Variants in HYCC2 observed in about 807,000 individuals in gnomAD.
HYCC2 encodes hyccin PI4KA lipid kinase complex subunit 2.
chr2:200,988,130 T>C, the HYCC2 span: 2 of 572,002 alleles, frequency 3.5e-6, no homozygotes, highest in Non-Finnish European at 5.7e-6. Flanking sequence ...GTCACATTTC[T>C]AGTGATATTT....
At chr2:201,027,722 T>A in the HYCC2 span, among the ~76,000 whole-genome samples, 1 of 152,154 alleles carries the variant, frequency 6.6e-6, no homozygotes, top group Non-Finnish European at 1.5e-5. Flanking sequence ...ACCACATGAT[T>A]ATCTCAATAG....
At chr2:200,989,788 T>C in the HYCC2 span, among the ~76,000 whole-genome samples, 1 of 152,182 alleles carries the variant, frequency 6.6e-6, no homozygotes, top group Non-Finnish European at 1.5e-5. Context: ...CACTCCAGTA[T>C]AGGTGACAGA....
At chr2:201,033,919 C>T in the HYCC2 span, among the ~76,000 whole-genome samples, 2 of 151,488 alleles carry the variant, frequency 1.3e-5, no homozygotes, top group East Asian at 3.9e-4. Context: ...GATATAGGGT[C>T]CAGAATATTT....
the HYCC2 span, among the ~76,000 whole-genome samples, chr2:201,038,031 C>CA: frequency 1.3e-5 from 2 of 152,040 alleles, no homozygotes; most frequent in East Asian, 3.9e-4. Context: ...ACAATGAACT[C>CA]AAACAAATTT....
chr2:201,023,871 C>A, the HYCC2 span: 6 of 982,218 alleles, frequency 6.1e-6, no homozygotes, highest in Admixed American at 1.1e-4. Flanking sequence ...CCATAGAGCA[C>A]ATAATGTTTC....
chr2:201,045,024 C>T, the HYCC2 span, among the ~76,000 whole-genome samples: 2 of 152,184 alleles, frequency 1.3e-5, no homozygotes, highest in African/African-American at 4.8e-5. Context: ...ACTTGACCAA[C>T]AACTATGAAG....
At chr2:200,999,085 A>G in the HYCC2 span, among the ~76,000 whole-genome samples, 1 of 152,298 alleles carries the variant, frequency 6.6e-6, no homozygotes, top group African/African-American at 2.4e-5. Context: ...ACCTGCCTAG[A>G]TATTGCCAGT....
chr2:201,017,137 G>A, the HYCC2 span: 1 of 1,613,374 alleles, frequency 6.2e-7, no homozygotes, highest in Non-Finnish European at 8.5e-7. Context: ...CTACGATAGA[G>A]CTCAAACAGC....
chr2:201,036,933 C>T, the HYCC2 span, among the ~76,000 whole-genome samples: 1 of 152,066 alleles, frequency 6.6e-6, no homozygotes. Context: ...GGGTATTCAA[C>T]TAGGAAAAGA....
At chr2:201,037,416 A>C in the HYCC2 span, among the ~76,000 whole-genome samples, 102 of 152,342 alleles carry the variant, frequency 6.7e-4, no homozygotes, top group Non-Finnish European at 1.2e-3. Flanking sequence ...GGAACCAAAA[A>C]AGAGCCCGCA....
At chr2:200,986,125 A>G in the HYCC2 span, among the ~76,000 whole-genome samples, 1 of 152,216 alleles carries the variant, frequency 6.6e-6, no homozygotes, top group Non-Finnish European at 1.5e-5. Flanking sequence ...CAGGGGAAAA[A>G]GGGAACGCTG....
At chr2:200,996,924 T>TC in the HYCC2 span, 1 of 152,428 alleles carries the variant, frequency 6.6e-6, no homozygotes, top group African/African-American at 2.4e-5. Flanking sequence ...TTGGTACAAC[T>TC]CCACGTTCAG....
chr2:201,038,947 TA>T, the HYCC2 span, among the ~76,000 whole-genome samples: 4 of 151,906 alleles, frequency 2.6e-5, no homozygotes, highest in African/African-American at 4.8e-5. Context: ...AAAGCTTAAC[TA>T]AAAGACAAGC....
chr2:201,004,811 A>G, the HYCC2 span, among the ~76,000 whole-genome samples: 4 of 152,072 alleles, frequency 2.6e-5, no homozygotes, highest in African/African-American at 9.7e-5. Flanking sequence ...AGGTCAGGAG[A>G]TCGAGACCAT....
the HYCC2 span, among the ~76,000 whole-genome samples, chr2:201,040,383 T>A: frequency 6.6e-6 from 1 of 152,086 alleles, no homozygotes; most frequent in Non-Finnish European, 1.5e-5. Flanking sequence ...TATTACATGT[T>A]AACATTTTAA....
chr2:201,015,550 T>C, the HYCC2 span, among the ~76,000 whole-genome samples: 6 of 152,194 alleles, frequency 3.9e-5, no homozygotes, highest in Non-Finnish European at 5.9e-5. Flanking sequence ...GCCTTTAACA[T>C]ATAAGAAGTG....
At chr2:201,050,303 C>T in the HYCC2 span, among the ~76,000 whole-genome samples, 37 of 150,840 alleles carry the variant, frequency 2.5e-4, no homozygotes, top group Non-Finnish European at 4.0e-4. Context: ...AATTAAATTA[C>T]TAATGCTGAA....
At chr2:201,027,663 C>T in the HYCC2 span, among the ~76,000 whole-genome samples, 12 of 152,106 alleles carry the variant, frequency 7.9e-5, no homozygotes, top group African/African-American at 2.4e-4. Flanking sequence ...GTTCAACATA[C>T]GCAAATCAAT....
At chr2:201,055,434 C>T in the HYCC2 span, among the ~76,000 whole-genome samples, 2 of 151,200 alleles carry the variant, frequency 1.3e-5, no homozygotes, top group East Asian at 1.9e-4. Flanking sequence ...CGTAGGGGCT[C>T]ACACCTGTAA....
Sources: gnomAD v4.1 joint callset for allele counts (sites outside exome capture counted in the v4.1 genomes callset) on GRCh38, gnomAD v4.1.1 for gene constraint, MANE v1.5 for transcripts, NCBI Gene and HGNC (gene_info 2026-07-23, HGNC 2026-07-21) for gene names.